The following MACC1 variants were observed in gnomAD, a reference collection of about 807,000 sequenced individuals.
MACC1 encodes MET transcriptional regulator MACC1, also known as metastasis-associated in colon cancer protein 1.
In MACC1, 79 loss-of-function variants were observed where a neutral mutation model predicts 70.7. The ratio of observed to expected loss-of-function variants is 1.12; its 90% CI spans 0.93 to 1.35. The LOEUF (loss-of-function observed/expected upper bound fraction) is 1.35. MACC1 is among the 40% of genes most tolerant of loss of function. MACC1 has a pLI of 0.00. For missense variants in MACC1, 1,106 were observed against 978.1 expected, an observed-to-expected ratio of 1.13 and a Z score of -1.74; for synonymous variants, 361 against 347.2, an observed-to-expected ratio of 1.04 and a Z score of -0.44.
intron 1 of MACC1, among the ~76,000 whole-genome samples, chr7:20,215,086 A>G (rs1783049689): frequency 7.7e-6 from 1 of 129,538 alleles, no homozygotes; most frequent in African/African-American, 3.9e-5. Flanking sequence ...AAGTTTATTT[A>G]TTTATTTATT....
At chr7:20,169,697 C>T (rs1172500493) in intron 2 of MACC1, among the ~76,000 whole-genome samples, 1 of 152,214 alleles carries the variant, frequency 6.6e-6, no homozygotes. Flanking sequence ...TCTCTGGTTA[C>T]AGTCCTTCTA....
intron 5 of MACC1, 58 bp downstream of exon 5, chr7:20,158,146 T>C: frequency 6.6e-7 from 1 of 1,509,094 alleles, no homozygotes; most frequent in Non-Finnish European, 8.8e-7. Context: ...GTTATAAATA[T>C]TGTCAAGTTA....
At position 20,159,638 on chromosome 7, in the gene MACC1, C is replaced by T. The variant is rs759919530; in HGVS notation, c.723G>A (p.Val241=). The change falls in exon 5 of 7, where the codon GTG becomes GTA. Residue 241 remains valine, a synonymous_variant. Transcript: ENST00000400331. ...ACACCTCTTGGAATTCTCCCACAGC[C>T]ACATGACCTTGGGGCACATGAACAG... The part of the protein sequence containing the change: ...DITVHVPQGH[V]AVGEFQEVSL... 3 of 1,614,160 alleles carry T rather than the reference C, an allele frequency of 1.9e-6. No individual in the cohort carries two copies. The highest frequency in any genetic ancestry group is 2.2e-5 in the East Asian group (1 of 44,882).
intron 1 of MACC1, among the ~76,000 whole-genome samples, chr7:20,177,667 T>A (rs1463863347): frequency 2.0e-5 from 3 of 151,722 alleles, no homozygotes. Context: ...CACAGTTTAA[T>A]ATATCTGAAA....
chr7:20,145,642 G>C (rs966406053), intron 6 of MACC1, among the ~76,000 whole-genome samples: 1 of 152,154 alleles, frequency 6.6e-6, no homozygotes, highest in South Asian at 2.1e-4. Flanking sequence ...GAGGCTTAAA[G>C]AGGTAGCATA....
intron 4 of MACC1, among the ~76,000 whole-genome samples, chr7:20,160,734 T>C (rs944273499): frequency 5.3e-5 from 8 of 152,242 alleles, no homozygotes; most frequent in African/African-American, 1.4e-4. Flanking sequence ...TCAGATAATA[T>C]TGAATATGTA....
At position 20,134,893 on chromosome 7, in the gene MACC1, T is replaced by A. The variant is rs1781700038; in HGVS notation, c.*6053A>T. On this transcript the variant is annotated 3_prime_UTR_variant, in exon 7 of 7. Transcript: ENST00000400331. Reference sequence around the variant, plus strand: ...ATGGCAGAGGATAAAACGTGATACGTCAATCTCAAAGTGAGATGGTTCAGC... The same window carrying A: ...ATGGCAGAGGATAAAACGTGATACGACAATCTCAAAGTGAGATGGTTCAGC... 6.6e-6 allele frequency: 1 copy of A among 152,176 alleles called. No homozygotes were observed. Among genetic ancestry groups the A allele is most frequent in the African/African-American group, 2.4e-5 (1 of 41,426 alleles). 9.4% of individuals were successfully genotyped at this position (152,176 alleles called of 1,614,324 possible). A position where few individuals can be genotyped will look rare whatever the true frequency, so the allele number is the denominator to read the frequency against.
intron 1 of MACC1, among the ~76,000 whole-genome samples, chr7:20,187,411 A>G (rs1221827390): frequency 9.2e-5 from 14 of 152,156 alleles, no homozygotes; most frequent in Admixed American, 8.5e-4. Context: ...GATTCTAACA[A>G]TCCTTTCACT....
At chr7:20,213,578 G>A (rs950633154) in intron 1 of MACC1, among the ~76,000 whole-genome samples, 1 of 152,178 alleles carries the variant, frequency 6.6e-6, no homozygotes, top group Admixed American at 6.5e-5. Flanking sequence ...TATACACCAT[G>A]GAATACTACA....
At chr7:20,192,804 A>G (rs1424089648) in intron 1 of MACC1, among the ~76,000 whole-genome samples, 1 of 152,212 alleles carries the variant, frequency 6.6e-6, no homozygotes, top group Non-Finnish European at 1.5e-5. Context: ...ACACTTGCTG[A>G]ACATAATTAA....
chr7:20,194,577 C>T (rs1336157740), intron 1 of MACC1, among the ~76,000 whole-genome samples: 1 of 152,178 alleles, frequency 6.6e-6, no homozygotes, highest in African/African-American at 2.4e-5. Context: ...ACCTCTTGGC[C>T]CATCCATTAG....
intron 1 of MACC1, chr7:20,184,973 C>T (rs1782563698): frequency 6.6e-6 from 1 of 152,088 alleles, no homozygotes; most frequent in South Asian, 2.1e-4. Flanking sequence ...CGAGAATATT[C>T]TCAACTTGAA....
At position 20,170,763 on chromosome 7, in the gene MACC1, C is replaced by G. The variant is rs1032673992; in HGVS notation, c.-202G>C. 6.6e-6 allele frequency: 1 copy of G among 152,188 alleles called. No homozygotes were observed. Among genetic ancestry groups the G allele is most frequent in the Non-Finnish European group, 1.5e-5 (1 of 68,034 alleles). 9.4% of individuals were successfully genotyped at this position (152,188 alleles called of 1,614,324 possible). ...ACACTGATGTGAATCATTTGCATATCATCTGACAAGGCTACCTACTTGAAA... is the reference window on the plus strand; with the variant it reads ...ACACTGATGTGAATCATTTGCATATGATCTGACAAGGCTACCTACTTGAAA... On this transcript the variant is annotated 5_prime_UTR_variant, in exon 2 of 7. The change abolishes an upstream ATG in the 5' untranslated region. Coordinates refer to ENST00000400331, the MANE Select transcript of MACC1 (RefSeq NM_182762.4).
chr7:20,149,033 G>C (rs968472358), intron 6 of MACC1, among the ~76,000 whole-genome samples: 1 of 152,160 alleles, frequency 6.6e-6, no homozygotes, highest in Non-Finnish European at 1.5e-5. Flanking sequence ...GCAGAATCCA[G>C]AAGTTGCCAT....
intron 1 of MACC1, among the ~76,000 whole-genome samples, chr7:20,172,017 C>T (rs1012886868): frequency 3.3e-5 from 5 of 151,982 alleles, no homozygotes; most frequent in African/African-American, 7.3e-5. Context: ...AAGGGAAATA[C>T]GAAATAAAAA....
intron 1 of MACC1, among the ~76,000 whole-genome samples, chr7:20,178,818 T>C (rs139754481): frequency 0.014 from 2,158 of 152,288 alleles, 58 homozygotes; most frequent in African/African-American, 0.049. Context: ...CAGGTTGGTC[T>C]CGAACTCCTG....
chr7:20,166,428 G>C (rs1391049380), intron 2 of MACC1, among the ~76,000 whole-genome samples: 1 of 152,188 alleles, frequency 6.6e-6, no homozygotes, highest in Non-Finnish European at 1.5e-5. Flanking sequence ...ACATTACCAT[G>C]CTGTGAGTGG....
chr7:20,154,387 G>T lies in MACC1; in HGVS notation c.2158-6C>A. The T allele has an allele frequency of 6.2e-7, 1 of 1,611,036 alleles. No homozygotes were observed. Among genetic ancestry groups the T allele is most frequent in the Non-Finnish European group, 8.5e-7 (1 of 1,178,164 alleles). Reference sequence around the variant, plus strand: ...CAATCCATTTTCAGAAGAGCCTGCAGCAACAATTACATGTCACAATTAAAA... The same window carrying T: ...CAATCCATTTTCAGAAGAGCCTGCATCAACAATTACATGTCACAATTAAAA... On this transcript the variant is annotated splice_region_variant and splice_polypyrimidine_tract_variant and intron_variant, in intron 5 of 6. Transcript: ENST00000400331.
At position 20,138,165 on chromosome 7, in the gene MACC1, A is replaced by C. The variant is rs1180228171; in HGVS notation, c.*2781T>G. On this transcript the variant is annotated 3_prime_UTR_variant, in exon 7 of 7. Coordinates refer to ENST00000400331, the MANE Select transcript of MACC1 (RefSeq NM_182762.4). ...CAGACTCTGGCTCAAAAAAAAAAAAAAAAAAAAAAAAAAAAAATTTCCCCT... is the reference window on the plus strand; with the variant it reads ...CAGACTCTGGCTCAAAAAAAAAAAACAAAAAAAAAAAAAAAAATTTCCCCT... 1 of 141,016 alleles carries C rather than the reference A, an allele frequency of 7.1e-6. No homozygotes were observed. The highest frequency in any genetic ancestry group is 1.9e-4 in the East Asian group (1 of 5,188). The allele number at this position is 141,016 out of a possible 1,614,324, so 8.7% of individuals were successfully genotyped here.
Sources: allele counts gnomAD v4.1 joint callset (sites outside exome capture counted in the v4.1 genomes callset), GRCh38; gene constraint gnomAD v4.1.1; transcripts MANE v1.5; gene names NCBI Gene and HGNC (gene_info 2026-07-23, HGNC 2026-07-21).